ARMH4: variants seen among roughly 807,000 people sequenced by gnomAD.
The protein encoded by ARMH4 is armadillo like helical domain containing 4, also known as armadillo-like helical domain-containing protein 4.
Under a neutral mutation model 61.9 loss-of-function variants are expected in ARMH4, and 49 were observed. The ratio of observed to expected loss-of-function variants is 0.79; its 90% CI spans 0.63 to 1.00. ARMH4 has a LOEUF of 1.00. ARMH4 is among the 50% of genes least tolerant of loss of function. The pLI, the probability that ARMH4 is intolerant of heterozygous loss-of-function variation, is 0.00. For synonymous variants in ARMH4, 368 were observed against 341.5 expected, an observed-to-expected ratio of 1.08 and a Z score of -0.85; for missense variants, 934 against 930.0, an observed-to-expected ratio of 1.00 and a Z score of -0.06.
At chr14:58,102,906 G>C (rs1886048317) in intron 4 of ARMH4, among the ~76,000 whole-genome samples, 1 of 151,362 alleles carries the variant, frequency 6.6e-6, no homozygotes, top group African/African-American at 2.4e-5. Context: ...GGCCAAGGCA[G>C]GCAGATCACC....
chr14:58,141,034 G>C (rs1208918041), intron 1 of ARMH4, among the ~76,000 whole-genome samples: 3 of 151,962 alleles, frequency 2.0e-5, no homozygotes, highest in Non-Finnish European at 2.9e-5. Context: ...CCTTGATCTT[G>C]GACTTCCCAG....
chr14:58,043,146 G>A (rs542321043), intron 5 of ARMH4, among the ~76,000 whole-genome samples: 26 of 152,008 alleles, frequency 1.7e-4, no homozygotes, highest in Middle Eastern at 3.4e-3. Context: ...GCAGAGACAC[G>A]ACAAAAAAAT....
chr14:58,084,106 G>A (rs990973053), intron 5 of ARMH4, among the ~76,000 whole-genome samples: 5 of 152,182 alleles, frequency 3.3e-5, no homozygotes, highest in African/African-American at 1.2e-4. Flanking sequence ...TGGGATCCCA[G>A]GACAGTCCTG....
intron 5 of ARMH4, among the ~76,000 whole-genome samples, chr14:58,021,349 G>A (rs1692941830): frequency 6.6e-6 from 1 of 152,128 alleles, no homozygotes; most frequent in South Asian, 2.1e-4. Context: ...GTTTTATAAA[G>A]GGCCATTCCC....
chr14:58,092,087 A>G lies in ARMH4; in HGVS notation c.2089+4637T>C, dbSNP rs1885587272. Among the ~76,000 whole-genome samples the G allele has an allele frequency of 1.3e-5, 2 of 152,190 alleles. 1 individual carries two copies. Among genetic ancestry groups the G allele is most frequent in the Admixed American group, 1.3e-4 (2 of 15,284 alleles). ...GCACTTCACAGGAAATGAGACTATA[A>G]TCTATTCCAAGAGTTTGCATTATTT... On this transcript the variant is annotated intron_variant, in intron 5 of 7. Coordinates refer to ENST00000267485, the MANE Select transcript of ARMH4 (RefSeq NM_001001872.4).
chr14:58,048,480 T>TCCCACAC (rs1884011857), intron 5 of ARMH4, among the ~76,000 whole-genome samples: 1 of 152,222 alleles, frequency 6.6e-6, no homozygotes, highest in Non-Finnish European at 1.5e-5. Context: ...GTGGTGATGA[T>TCCCACAC]AAGAGGCATT....
At position 58,096,938 on chromosome 14, in the gene ARMH4, ATCTTCATCT is replaced by A; in HGVS notation, c.1866_1874del (p.Glu622_Glu624del). The A allele has an allele frequency of 1.2e-6, 2 of 1,612,962 alleles. No individual in the cohort carries two copies. The highest frequency in any genetic ancestry group is 1.7e-6 in the Non-Finnish European group (2 of 1,179,796). On this transcript the variant is annotated inframe_deletion, in exon 5 of 8. Transcript: ENST00000267485. ...CTTCTTCCTCATCTTCCTCTTCTTCATCTTCATCTTCTTCATCCTCTTCATCCTCATCTT... is the reference window on the plus strand; with the variant it reads ...CTTCTTCCTCATCTTCCTCTTCTTCATCTTCATCCTCTTCATCCTCATCTT...
intron 5 of ARMH4, among the ~76,000 whole-genome samples, chr14:58,059,902 C>A (rs921692555): frequency 6.6e-6 from 1 of 152,134 alleles, no homozygotes; most frequent in Non-Finnish European, 1.5e-5. Flanking sequence ...TCTCTTGTGA[C>A]TACAGCTCCA....
At chr14:58,013,285 T>C (rs1882477494) in intron 5 of ARMH4, among the ~76,000 whole-genome samples, 1 of 152,208 alleles carries the variant, frequency 6.6e-6, no homozygotes, top group Admixed American at 6.5e-5. Flanking sequence ...CATAAATAAA[T>C]GGGTTCAGCT....
intron 5 of ARMH4, among the ~76,000 whole-genome samples, chr14:58,043,970 C>G (rs959473628): frequency 6.6e-6 from 1 of 152,130 alleles, no homozygotes. Context: ...AAAGAGGATA[C>G]AAACAAATGG....
At chr14:58,085,850 A>C (rs1885360004) in intron 5 of ARMH4, among the ~76,000 whole-genome samples, 1 of 152,240 alleles carries the variant, frequency 6.6e-6, no homozygotes, top group South Asian at 2.1e-4. Context: ...TTAACCCAAC[A>C]GCTCCTACAG....
intron 4 of ARMH4, among the ~76,000 whole-genome samples, chr14:58,107,594 C>A (rs1886205263): frequency 6.6e-6 from 1 of 151,720 alleles, no homozygotes; most frequent in South Asian, 2.1e-4. Flanking sequence ...TGAAAAACAG[C>A]CTCTATTAAA....
At chr14:58,082,611 G>A (rs1055774654) in intron 5 of ARMH4, among the ~76,000 whole-genome samples, 4 of 152,100 alleles carry the variant, frequency 2.6e-5, no homozygotes, top group African/African-American at 4.8e-5. Flanking sequence ...GGCTCCACTT[G>A]GTACTTTCAG....
intron 5 of ARMH4, among the ~76,000 whole-genome samples, chr14:58,073,037 A>C (rs182319018): frequency 2.4e-3 from 360 of 152,272 alleles, no homozygotes; most frequent in African/African-American, 7.7e-3. Flanking sequence ...AGCAGAAGGG[A>C]CGATATCACA....
intron 4 of ARMH4, among the ~76,000 whole-genome samples, chr14:58,108,882 G>T (rs1886254399): frequency 2.0e-5 from 3 of 152,184 alleles, no homozygotes; most frequent in Admixed American, 2.0e-4. Context: ...TCAATCCAGT[G>T]TGTATAAAAT....
intron 4 of ARMH4, among the ~76,000 whole-genome samples, chr14:58,129,467 G>C (rs1015630893): frequency 2.0e-5 from 3 of 152,128 alleles, no homozygotes; most frequent in African/African-American, 7.2e-5. Context: ...AAACAAGAAA[G>C]GCTGCTAACC....
chr14:58,006,905 A>G (rs1420319979), intron 6 of ARMH4, among the ~76,000 whole-genome samples: 2 of 147,788 alleles, frequency 1.4e-5, no homozygotes, highest in East Asian at 4.4e-4. Flanking sequence ...AACTTAACGT[A>G]TAATAAAAAT....
At chr14:58,097,483 T>A (rs1277413785) in intron 4 of ARMH4, among the ~76,000 whole-genome samples, 3 of 152,170 alleles carry the variant, frequency 2.0e-5, no homozygotes, top group Non-Finnish European at 4.4e-5. Context: ...GAGGAGCACA[T>A]AAATTCACTC....
chr14:58,149,041 A>C (rs1412325340), intron 1 of ARMH4, among the ~76,000 whole-genome samples: 1 of 152,170 alleles, frequency 6.6e-6, no homozygotes, highest in Non-Finnish European at 1.5e-5. Flanking sequence ...TTTGTGTCTT[A>C]ACAATCTTTC....
Sources: allele counts gnomAD v4.1 joint callset (sites outside exome capture counted in the v4.1 genomes callset), GRCh38; gene constraint gnomAD v4.1.1; transcripts MANE v1.5; gene names NCBI Gene and HGNC (gene_info 2026-07-23, HGNC 2026-07-21).